TENM2: variants seen among roughly 807,000 people sequenced by gnomAD.
TENM2 encodes teneurin transmembrane protein 2, also known as teneurin-2.
Under a neutral mutation model 245.2 loss-of-function variants are expected in TENM2, and 52 were observed. The ratio of observed to expected loss-of-function variants is 0.21; its 90% CI spans 0.17 to 0.27. The LOEUF (loss-of-function observed/expected upper bound fraction) is 0.27, where lower values mean the gene tolerates loss of function less well. Ranked by LOEUF, TENM2 falls within the 10% of genes least tolerant of loss-of-function variation. TENM2 has a pLI of 1.00. For missense variants in TENM2, 3,046 were observed against 3,666.8 expected, an observed-to-expected ratio of 0.83 and a Z score of 4.37; for synonymous variants, 1,363 against 1,438.9, an observed-to-expected ratio of 0.95 and a Z score of 1.19.
At chr5:167,929,109 G>GAA (rs1295908464) in intron 3 of TENM2, among the ~76,000 whole-genome samples, 4 of 80,844 alleles carry the variant, frequency 4.9e-5, no homozygotes, top group Non-Finnish European at 9.5e-5. Flanking sequence ...AAGAAAGAAA[G>GAA]AAAGAAAGAA....
At chr5:167,188,860 A>T in the TENM2 span, among the ~76,000 whole-genome samples, 1 of 152,218 alleles carries the variant, frequency 6.6e-6, no homozygotes, top group Non-Finnish European at 1.5e-5. Context: ...TATCCAAGAT[A>T]TCAAACTATG....
In TENM2 at chr5:167,517,058, C is replaced by G. The variant is rs1382259778; in HGVS notation, c.502+141585C>G. On this transcript the variant is annotated intron_variant, in intron 2 of 28. Coordinates refer to ENST00000518659, the Ensembl canonical transcript of TENM2. ...AAATGTGTACGAGAAAGTGCCTTCT[C>G]TCTTTGTCAGTGAACCTTACCTTGG... is the stretch of plus-strand genomic sequence containing the variant. Among the ~76,000 whole-genome samples, 2 of 152,182 alleles carry G rather than the reference C, an allele frequency of 1.3e-5. 1 individual carries two copies. The highest frequency in any genetic ancestry group is 2.9e-5 in the Non-Finnish European group (2 of 68,018).
intron 1 of TENM2, among the ~76,000 whole-genome samples, chr5:167,304,655 T>A (rs1209089812): frequency 6.6e-6 from 1 of 152,144 alleles, no homozygotes; most frequent in Admixed American, 6.6e-5. Flanking sequence ...GGATTGTTTG[T>A]TTGTTTTTTT....
chr5:167,151,507 C>A, the TENM2 span, among the ~76,000 whole-genome samples: 11 of 152,060 alleles, frequency 7.2e-5, no homozygotes, highest in African/African-American at 2.2e-4. Context: ...AAAGCAAATG[C>A]TTTTCTTCTT....
intron 5 of TENM2, among the ~76,000 whole-genome samples, chr5:168,013,062 G>A (rs1287950817): frequency 6.6e-6 from 1 of 152,020 alleles, no homozygotes; most frequent in African/African-American, 2.4e-5. Flanking sequence ...CAAATTATTT[G>A]CCCCTCTTAC....
At chr5:167,295,633 G>A (rs1376536798) in intron 1 of TENM2, among the ~76,000 whole-genome samples, 1 of 152,154 alleles carries the variant, frequency 6.6e-6, no homozygotes, top group Non-Finnish European at 1.5e-5. Flanking sequence ...TCAATGTCAT[G>A]TTTTAGGTTT....
intron 2 of TENM2, among the ~76,000 whole-genome samples, chr5:167,456,575 A>C (rs1455098216): frequency 6.6e-6 from 1 of 152,156 alleles, no homozygotes; most frequent in African/African-American, 2.4e-5. Context: ...CAAAATGTAG[A>C]CTAGCTAGAG....
intron 2 of TENM2, among the ~76,000 whole-genome samples, chr5:167,423,687 C>T (rs917461127): frequency 6.6e-6 from 1 of 152,170 alleles, no homozygotes; most frequent in African/African-American, 2.4e-5. Context: ...TAGTCCAGGA[C>T]TTCTTTAAGC....
At chr5:167,071,785 T>C in the TENM2 span, among the ~76,000 whole-genome samples, 4 of 152,086 alleles carry the variant, frequency 2.6e-5, no homozygotes, top group African/African-American at 9.7e-5. Context: ...TTCAGGGACA[T>C]TGAATGAGGT....
chr5:167,206,758 T>C, the TENM2 span, among the ~76,000 whole-genome samples: 1 of 152,244 alleles, frequency 6.6e-6, no homozygotes, highest in African/African-American at 2.4e-5. Context: ...AGTAAATAAA[T>C]GTCTCCCATG....
intron 4 of TENM2, among the ~76,000 whole-genome samples, chr5:167,970,248 TG>T (rs755544340): frequency 2.0e-5 from 3 of 152,242 alleles, no homozygotes; most frequent in Non-Finnish European, 4.4e-5. Context: ...CCTCTCTGGT[TG>T]ACTTCTCAAA....
At chr5:167,814,221 G>T (rs925991430) in intron 2 of TENM2, among the ~76,000 whole-genome samples, 3 of 152,014 alleles carry the variant, frequency 2.0e-5, no homozygotes, top group Non-Finnish European at 4.4e-5. Flanking sequence ...AACACTTTGG[G>T]TTTACATGGT....
chr5:167,034,734 C>G, the TENM2 span, among the ~76,000 whole-genome samples: 329 of 151,434 alleles, frequency 2.2e-3, 1 homozygote, highest in African/African-American at 7.5e-3. Context: ...CCAAGAGACT[C>G]TATCTGTGTC....
chr5:167,084,588 A>G, the TENM2 span, among the ~76,000 whole-genome samples: 45 of 151,818 alleles, frequency 3.0e-4, no homozygotes, highest in Admixed American at 1.3e-3. Flanking sequence ...ATGGTACACT[A>G]TGTCATCACT....
intron 2 of TENM2, among the ~76,000 whole-genome samples, chr5:167,511,683 C>T (rs1769966353): frequency 6.6e-6 from 1 of 152,092 alleles, no homozygotes; most frequent in Non-Finnish European, 1.5e-5. Context: ...CCTGATATGC[C>T]TGGTAGCCTG....
the TENM2 span, among the ~76,000 whole-genome samples, chr5:167,222,633 T>C: frequency 6.6e-6 from 1 of 152,186 alleles, no homozygotes; most frequent in South Asian, 2.1e-4. Context: ...GTACAGCACC[T>C]ATGATTCTCT....
At chr5:167,943,124 C>T (rs1340138705) in intron 3 of TENM2, among the ~76,000 whole-genome samples, 6 of 152,178 alleles carry the variant, frequency 3.9e-5, no homozygotes, top group African/African-American at 1.4e-4. Context: ...TTCCCTTGCC[C>T]TATAAGGCAT....
At chr5:167,644,239 C>T (rs1244372054) in intron 2 of TENM2, among the ~76,000 whole-genome samples, 1 of 152,138 alleles carries the variant, frequency 6.6e-6, no homozygotes, top group Non-Finnish European at 1.5e-5. Context: ...ATTAACTAAG[C>T]AAATTAAACA....
chr5:166,990,107 T>C, the TENM2 span, among the ~76,000 whole-genome samples: 1 of 152,158 alleles, frequency 6.6e-6, no homozygotes, highest in African/African-American at 2.4e-5. Flanking sequence ...TATAAATTAG[T>C]AATAAATAAT....
Sources: allele counts gnomAD v4.1 joint callset (sites outside exome capture counted in the v4.1 genomes callset), GRCh38; gene constraint gnomAD v4.1.1; transcripts MANE v1.5; gene names NCBI Gene and HGNC (gene_info 2026-07-23, HGNC 2026-07-21).